The following TNR variants were observed in gnomAD, a reference collection of about 807,000 sequenced individuals.
TNR encodes the protein tenascin-R.
TNR carries 45 observed loss-of-function variants against 150.4 expected under a neutral mutation model. The observed-to-expected ratio is 0.30, with a 90% confidence interval of 0.24 to 0.38. The LOEUF (loss-of-function observed/expected upper bound fraction) is 0.38. Ranked by LOEUF, TNR falls within the 10% of genes least tolerant of loss-of-function variation. The pLI is 1.00. For synonymous variants in TNR, 687 were observed against 678.4 expected (o/e 1.01, Z -0.20); for missense variants, 1,544 against 1,759.1 (o/e 0.88, Z 2.19).
chr1:175,406,336 A>C lies in TNR; in HGVS notation c.379T>G (p.Cys127Gly), dbSNP rs1183860143. 2 of 1,614,110 alleles carry C rather than the reference A, an allele frequency of 1.2e-6. No homozygotes were observed. Among genetic ancestry groups the C allele is most frequent in the Non-Finnish European group, 1.7e-6 (2 of 1,180,004 alleles). Residue 127 changes from cysteine to glycine, a missense_variant, in exon 3 of 23, where the codon TGT becomes GGT. This residue lies in a region of TNR where 1,254 missense variants were observed against 1,329.4 expected (regional missense o/e 0.94). Coordinates refer to ENST00000367674, the MANE Select transcript of TNR (RefSeq NM_003285.3). The stretch of plus-strand genomic sequence containing the variant: ...TGCAGCACCTGGGCTGAACTGGCAC[A>C]TGGACAGGCCTTTTTGGGGAAGTTG... ...RINFPKKACP[C>G]ASSAQVLQEL...
In TNR at chr1:175,446,808, C is replaced by G. The variant is rs76755857; in HGVS notation, c.-63-40031G>C. Among the ~76,000 whole-genome samples, 421 of 152,180 alleles carry G rather than the reference C, an allele frequency of 2.8e-3. 7 individuals carry two copies. The East Asian group carries it at 0.042, about 15-fold the overall frequency. ...AGATAGCCTGCAGGACCAGCCACCC[C>G]GCGAGGTACTCAGGGTGTGGCTGCC... On this transcript the variant is annotated intron_variant, in intron 2 of 22. Coordinates refer to ENST00000367674, the MANE Select transcript of TNR (RefSeq NM_003285.3).
At chr1:175,728,797 A>G (rs1571797162) in intron 1 of TNR, among the ~76,000 whole-genome samples, 1 of 152,178 alleles carries the variant, frequency 6.6e-6, no homozygotes, top group East Asian at 1.9e-4. Flanking sequence ...AGGGAAATCA[A>G]TATTTGTTGA....
In TNR at chr1:175,406,791, C is replaced by A; in HGVS notation, c.-63-14G>T. The stretch of plus-strand genomic sequence containing the variant: ...AGTTGTGGGAATCTGCAACGGAAAC[C>A]AAGGAAAGAGACAACCTCTGAGACC... On this transcript the variant is annotated splice_polypyrimidine_tract_variant and intron_variant, in intron 2 of 22. Coordinates refer to ENST00000367674, the MANE Select transcript of TNR (RefSeq NM_003285.3). The A allele has an allele frequency of 6.4e-7, 1 of 1,554,740 alleles. No homozygotes were observed. The highest frequency in any genetic ancestry group is 1.2e-5 in the South Asian group (1 of 80,082).
At chr1:175,566,144 TC>T (rs1256665947) in intron 1 of TNR, among the ~76,000 whole-genome samples, 1 of 152,212 alleles carries the variant, frequency 6.6e-6, no homozygotes, top group African/African-American at 2.4e-5. Context: ...TGGGAACATA[TC>T]CCTGAATAAA....
intron 20 of TNR, chr1:175,330,513 G>C (rs557292484): frequency 7.0e-5 from 20 of 287,632 alleles, no homozygotes; most frequent in African/African-American, 4.3e-4. Context: ...CAAGCCCTGA[G>C]CCTCAGGATT....
At chr1:175,548,895 G>T (rs1660825791) in intron 1 of TNR, among the ~76,000 whole-genome samples, 1 of 152,150 alleles carries the variant, frequency 6.6e-6, no homozygotes, top group African/African-American at 2.4e-5. Flanking sequence ...TCCAGTCAAG[G>T]TTTCTGGAAA....
rs1665653624 is a variant in TNR at position 175,670,192 on chromosome 1, A to T, written c.-165+73034T>A. On this transcript the variant is annotated intron_variant, in intron 1 of 22. Coordinates refer to ENST00000367674, the MANE Select transcript of TNR (RefSeq NM_003285.3). ...TCTCTTATACTGAGACCTCAGCCAC[A>T]GCAATATTTCCTATGTCCAGGGGCA... Among the ~76,000 whole-genome samples the T allele has an allele frequency of 2.0e-5, 3 of 152,208 alleles. No individual in the cohort carries two copies. In the South Asian group the frequency reaches 6.2e-4, roughly 32 times the overall value.
chr1:175,598,242 G>A (rs546905275), intron 1 of TNR, among the ~76,000 whole-genome samples: 117 of 152,220 alleles, frequency 7.7e-4, no homozygotes, highest in African/African-American at 2.5e-3. Flanking sequence ...TTTTCCCACC[G>A]GTGATTCAAC....
intron 1 of TNR, among the ~76,000 whole-genome samples, chr1:175,613,906 T>G (rs1303446861): frequency 6.6e-6 from 1 of 152,178 alleles, no homozygotes; most frequent in African/African-American, 2.4e-5. Flanking sequence ...AGAGAGATTT[T>G]ATGGTATCCT....
At chr1:175,561,844 GAGACCTGTGA>G (rs1280569840) in intron 1 of TNR, among the ~76,000 whole-genome samples, 2 of 152,118 alleles carry the variant, frequency 1.3e-5, no homozygotes, top group African/African-American at 4.8e-5. Flanking sequence ...CCTTATTCTG[GAGACCTGTGA>G]GGCCCGTGAG....
intron 1 of TNR, among the ~76,000 whole-genome samples, chr1:175,677,412 T>C (rs1394243436): frequency 1.3e-5 from 2 of 152,200 alleles, no homozygotes; most frequent in Non-Finnish European, 2.9e-5. Context: ...CTCTGTTATT[T>C]TGTGACTTTG....
At chr1:175,586,450 G>A (rs563359557) in intron 1 of TNR, among the ~76,000 whole-genome samples, 176 of 152,068 alleles carry the variant, frequency 1.2e-3, no homozygotes, top group Non-Finnish European at 2.3e-3. Context: ...ACAGGCATCC[G>A]CCACCATGGC....
intron 8 of TNR, among the ~76,000 whole-genome samples, chr1:175,380,343 T>C (rs1652611967): frequency 0.022 from 1 of 46 alleles, no homozygotes; most frequent in African/African-American, 0.062. Context: ...CTGCTTGGCC[T>C]TGATGGCACC....
chr1:175,543,389 G>A (rs1660574075), intron 1 of TNR, among the ~76,000 whole-genome samples: 1 of 152,112 alleles, frequency 6.6e-6, no homozygotes, highest in East Asian at 1.9e-4. Flanking sequence ...CAGGCTGTCA[G>A]GGCTTCAGAG....
chr1:175,510,574 C>A (rs1419283377), intron 2 of TNR, among the ~76,000 whole-genome samples: 1 of 152,092 alleles, frequency 6.6e-6, no homozygotes, highest in Non-Finnish European at 1.5e-5. Flanking sequence ...CAAATAATAA[C>A]CATAGTCAAA....
intron 1 of TNR, among the ~76,000 whole-genome samples, chr1:175,682,438 A>G (rs781222290): frequency 2.0e-5 from 3 of 151,736 alleles, no homozygotes; most frequent in Admixed American, 6.6e-5. Flanking sequence ...CAGAGCCTCC[A>G]CTCTTTCCAT....
At chr1:175,700,816 C>A (rs1666670999) in intron 1 of TNR, among the ~76,000 whole-genome samples, 1 of 152,186 alleles carries the variant, frequency 6.6e-6, no homozygotes, top group African/African-American at 2.4e-5. Context: ...ATTTGGCATT[C>A]TTCACGTCCC....
In TNR at chr1:175,324,491, G is replaced by T. The variant is rs764571318; in HGVS notation, c.3822C>A (p.Arg1274=). 1.2e-6 allele frequency: 2 copies of T among 1,613,916 alleles called. No homozygotes were observed. Among genetic ancestry groups the T allele is most frequent in the African/African-American group, 1.3e-5 (1 of 74,924 alleles). Residue 1274 remains arginine (R), a synonymous_variant, in exon 22 of 23, where the codon CGC becomes CGA. Transcript: ENST00000367674. The stretch of plus-strand genomic sequence containing the variant: ...TGTCTCTATCCTCTGTGGAGAAAGG[G>T]CGTCCTTGATGATAGCTGAGGGAGT... ...AGDSLSYHQG[R]PFSTEDRDND...
At chr1:175,329,976 G>T in intron 21 of TNR, 98 bp downstream of exon 21, 2 of 1,289,376 alleles carry the variant, frequency 1.6e-6, no homozygotes, top group Non-Finnish European at 2.1e-6. Context: ...CTGGAACTCT[G>T]TGGGTGCTGC....
Sources: allele counts gnomAD v4.1 joint callset (sites outside exome capture counted in the v4.1 genomes callset), GRCh38; gene constraint gnomAD v4.1.1; regional missense constraint gnomAD v4.1.1; transcripts MANE v1.5; gene names NCBI Gene and HGNC (gene_info 2026-07-23, HGNC 2026-07-21).